OR2T2: variants seen among roughly 807,000 people sequenced by gnomAD.
The protein encoded by OR2T2 is olfactory receptor 2T2.
For synonymous variants in OR2T2, 50 were observed against 162.7 expected (o/e 0.31, Z 5.27); for missense variants, 138 against 409.1 (o/e 0.34, Z 5.72).
At chr1:248,450,047 C>A (rs1254114788) in intron 2 of OR2T2, among the ~76,000 whole-genome samples, 7 of 149,406 alleles carry the variant, frequency 4.7e-5, no homozygotes, top group Non-Finnish European at 8.8e-5. Flanking sequence ...TAACTGATGA[C>A]ATGTTTTGTC....
intron 1 of OR2T2, among the ~76,000 whole-genome samples, chr1:248,446,217 C>T (rs1197941493): frequency 1.4e-5 from 2 of 140,236 alleles, no homozygotes; most frequent in African/African-American, 6.0e-5. Context: ...CATAAGGCAT[C>T]CACGTGTGCC....
intron 1 of OR2T2, 102 bp downstream of exon 1, chr1:248,445,771 G>C (rs971915863): frequency 6.6e-6 from 1 of 152,100 alleles, no homozygotes; most frequent in Non-Finnish European, 1.5e-5. Context: ...CGTTACTACT[G>C]TGAGCTTATC....
At position 248,450,347 on chromosome 1, in the gene OR2T2, CTTTTTTTTT is replaced by C. The variant is rs201321023; in HGVS notation, c.-22-2424_-22-2416del. ...CAACGCTCACACTCACAAGGAACCT[CTTTTTTTTT>C]TTTTAACACGGTCTCGGTTGTATAA... On this transcript the variant is annotated intron_variant, in intron 2 of 2. Coordinates refer to ENST00000642130, the Ensembl canonical transcript of OR2T2. Among the ~76,000 whole-genome samples the C allele has an allele frequency of 1.1e-4, 16 of 139,198 alleles. 2 individuals are homozygous for C. The highest frequency in any genetic ancestry group is 4.7e-4 in the African/African-American group (15 of 31,946). The allele number at this position is 139,198 out of a possible 152,430, so 91.3% of individuals were successfully genotyped here.
rs1466718015 is a variant in OR2T2 at position 248,446,151 on chromosome 1, G to GA, written c.-245-437dup. ...GGTGTGGCTGAAGACTTCATGCTTG[G>GA]AGGGAAATCATGATTTTTTTTTTTC... On this transcript the variant is annotated intron_variant, in intron 1 of 2. Transcript: ENST00000642130. 1.5e-3 allele frequency among the ~76,000 whole-genome samples: 209 copies of GA among 143,350 alleles called. 37 individuals are homozygous for GA. The highest frequency in any genetic ancestry group is 5.8e-3 in the African/African-American group (203 of 34,966). The allele number at this position is 143,350 out of a possible 152,430, so 94.0% of individuals were successfully genotyped here. A position where few individuals can be genotyped will look rare whatever the true frequency, so the allele number is the denominator to read the frequency against.
chr1:248,445,993 A>G (rs1444763121), intron 1 of OR2T2, among the ~76,000 whole-genome samples: 1 of 145,446 alleles, frequency 6.9e-6, no homozygotes, highest in African/African-American at 2.8e-5. Flanking sequence ...ATTCACAATG[A>G]GAAAGTTTCA....
chr1:248,447,141 G>GGAT (rs1413038986), intron 2 of OR2T2, among the ~76,000 whole-genome samples: 3 of 151,816 alleles, frequency 2.0e-5, no homozygotes, highest in Non-Finnish European at 4.4e-5. Context: ...TCACATCATT[G>GGAT]GATACTACGT....
At chr1:248,447,912 TAAATGA>T (rs1387912716) in intron 2 of OR2T2, among the ~76,000 whole-genome samples, 551 of 143,716 alleles carry the variant, frequency 3.8e-3, no homozygotes, top group African/African-American at 0.015. Flanking sequence ...TAGAAAATAT[TAAATGA>T]AAAATCTCAA....
At chr1:248,449,013 CTA>C (rs1442738175) in intron 2 of OR2T2, among the ~76,000 whole-genome samples, 179 bp from the exon 3 acceptor site, 1 of 142,734 alleles carries the variant, frequency 7.0e-6, no homozygotes, top group Non-Finnish European at 1.5e-5. Flanking sequence ...TGATCTGTTT[CTA>C]TGAGGATTTT....
At chr1:248,450,149 T>TAA in intron 2 of OR2T2, among the ~76,000 whole-genome samples, 1 of 148,824 alleles carries the variant, frequency 6.7e-6, no homozygotes, top group African/African-American at 2.6e-5. Context: ...CATTTGGTTC[T>TAA]AAATATTGGC....
At chr1:248,450,142 T>A (rs1662759780) in intron 2 of OR2T2, among the ~76,000 whole-genome samples, 1 of 148,912 alleles carries the variant, frequency 6.7e-6, no homozygotes, top group Non-Finnish European at 1.5e-5. Context: ...CATGTCACAT[T>A]TGGTTCTAAA....
At chr1:248,447,981 T>A (rs141138683) in intron 2 of OR2T2, among the ~76,000 whole-genome samples, 6,785 of 147,534 alleles carry the variant, frequency 0.046, no homozygotes, top group East Asian at 0.13. Context: ...CATCCCTCTG[T>A]GTAGTTGATT....
chr1:248,447,537 C>G (rs916490), intron 2 of OR2T2, among the ~76,000 whole-genome samples: 72 of 136,426 alleles, frequency 5.3e-4, no homozygotes, highest in African/African-American at 1.9e-3. Context: ...TCTCCCCTCT[C>G]TCTTCCACCC....
rs74432817 is a variant in OR2T2 at position 248,448,114 on chromosome 1, G to A, written c.-23+1303G>A. Among the ~76,000 whole-genome samples, 23 of 152,016 alleles carry A rather than the reference G, an allele frequency of 1.5e-4. No homozygotes were observed. The East Asian group carries it at 4.5e-3, about 29-fold the overall frequency. On this transcript the variant is annotated intron_variant, in intron 2 of 2. Transcript: ENST00000642130. The stretch of plus-strand genomic sequence containing the variant: ...TTCTTAATGGCTCCAAAGAGATGGA[G>A]TTAGTGAAGCTGGCGATTTAGATGT...
chr1:248,446,437 G>A (rs1321436783), intron 1 of OR2T2, among the ~76,000 whole-genome samples, 152 bp from the exon 2 acceptor site: 17 of 143,918 alleles, frequency 1.2e-4, no homozygotes, highest in African/African-American at 3.7e-4. Flanking sequence ...CCTCACCACT[G>A]CTGTTCCTGT....
rs149204340 is a variant in OR2T2, at chr1:248,450,492, T to C, written c.-22-2284T>C. ...GGAGTTGAAAACGTTCTTATCCTTT[T>C]ATCATAGACATTTGAGGCAATAGTG... On this transcript the variant is annotated intron_variant, in intron 2 of 2. Transcript: ENST00000642130. Among the ~76,000 whole-genome samples the C allele has an allele frequency of 9.0e-3, 1,340 of 148,528 alleles. 5 individuals are homozygous for C. The highest frequency in any genetic ancestry group is 0.033 in the African/African-American group (1,267 of 38,284).
chr1:248,447,014 GACT>G lies in OR2T2; in HGVS notation c.-23+207_-23+209del, dbSNP rs570836413. Among the ~76,000 whole-genome samples, 56 of 148,178 alleles carry G rather than the reference GACT, an allele frequency of 3.8e-4. No individual in the cohort carries two copies. In the South Asian group the frequency reaches 0.011, roughly 30 times the overall value. On this transcript the variant is annotated intron_variant, in intron 2 of 2. Coordinates refer to ENST00000642130, the Ensembl canonical transcript of OR2T2. ...GTCAGTTGGGATGGGAGGGAAAGTA[GACT>G]ACTTTTCCATGAATGAAAACAGTTA...
chr1:248,453,451 C>A (rs747255685), exon 3 of OR2T2: 2 of 1,589,288 alleles, frequency 1.3e-6, no homozygotes. Flanking sequence ...TCTCTGTCTC[C>A]TACACGCACA....
chr1:248,450,249 C>T (rs1183248087), intron 2 of OR2T2, among the ~76,000 whole-genome samples: 16 of 147,206 alleles, frequency 1.1e-4, no homozygotes, highest in African/African-American at 3.8e-4. Context: ...TCCCCACCCA[C>T]TCACAGATGC....
At chr1:248,453,726 G>A (rs1662873583) in exon 3 of OR2T2, 1 of 1,610,402 alleles carries the variant, frequency 6.2e-7, no homozygotes, top group Admixed American at 1.7e-5. Context: ...GGGAGATGTG[G>A]TTCCTCCCAG....
Sources: gnomAD v4.1 joint callset for allele counts (sites outside exome capture counted in the v4.1 genomes callset) on GRCh38, gnomAD v4.1.1 for gene constraint, MANE v1.5 for transcripts, NCBI Gene and HGNC (gene_info 2026-07-23, HGNC 2026-07-21) for gene names.